CNOT1: variants seen among roughly 807,000 people sequenced by gnomAD.
CNOT1 encodes CCR4-NOT transcription complex subunit 1.
CNOT1 carries 15 observed loss-of-function variants against 273.8 expected under a neutral mutation model. That is an observed-to-expected ratio of 0.05 (90% CI 0.04 to 0.08). CNOT1 has a LOEUF of 0.08. CNOT1 is among the 10% of genes least tolerant of loss of function. The probability of loss-of-function intolerance (pLI) is 1.00; values close to 1 mark genes in which losing one functional copy is unlikely to be tolerated. For synonymous variants in CNOT1, 1,022 were observed against 1,005.5 expected, an observed-to-expected ratio of 1.02 and a Z score of -0.31; for missense variants, 1,644 against 2,912.2, an observed-to-expected ratio of 0.56 and a Z score of 10.02.
At chr16:58,549,953 C>T in intron 24 of CNOT1, 55 bp from the exon 25 acceptor site, 3 of 1,606,048 alleles carry the variant, frequency 1.9e-6, no homozygotes, top group Middle Eastern at 1.7e-4. Flanking sequence ...TAAAATAACA[C>T]TTGGTTTCTA....
chr16:58,613,431 C>G (rs1314824991), intron 1 of CNOT1, among the ~76,000 whole-genome samples: 1 of 124,718 alleles, frequency 8.0e-6, no homozygotes, highest in Non-Finnish European at 1.9e-5. Context: ...ATAAGCATCT[C>G]CACTCTCACA....
In CNOT1 at chr16:58,542,198, T is replaced by C. The variant is rs1332405218; in HGVS notation, c.4680+33A>G. On this transcript the variant is annotated intron_variant, in intron 33 of 48. Coordinates refer to ENST00000317147, the MANE Select transcript of CNOT1 (RefSeq NM_016284.5). ...AACAACATTAAAAATAAAACAAAGA[T>C]GGGACGGGGAAAGACAGAGCCCCAA... 1.9e-6 allele frequency: 3 copies of C among 1,605,234 alleles called. No homozygotes were observed. In the African/African-American group the frequency reaches 4.0e-5, roughly 22 times the overall value.
intron 1 of CNOT1, among the ~76,000 whole-genome samples, chr16:58,622,880 A>C (rs903686228): frequency 7.2e-5 from 11 of 151,896 alleles, no homozygotes; most frequent in African/African-American, 2.7e-4. Context: ...AGAAAAAGAA[A>C]AAAGAATGTT....
At chr16:58,529,542 G>C (rs2039704869) in intron 43 of CNOT1, among the ~76,000 whole-genome samples, 1 of 152,130 alleles carries the variant, frequency 6.6e-6, no homozygotes, top group African/African-American at 2.4e-5. Context: ...ACCTCATTAA[G>C]AAGTCATCAA....
At chr16:58,572,092 T>C (rs2041294013) in intron 16 of CNOT1, among the ~76,000 whole-genome samples, 1 of 152,062 alleles carries the variant, frequency 6.6e-6, no homozygotes, top group Admixed American at 6.6e-5. Context: ...GAGACCTGCC[T>C]GACCAACATG....
chr16:58,620,466 C>A (rs2043265500), intron 1 of CNOT1, among the ~76,000 whole-genome samples: 1 of 151,922 alleles, frequency 6.6e-6, no homozygotes, highest in South Asian at 2.1e-4. Context: ...CATGAGGAAA[C>A]CCCATCTCTA....
At chr16:58,529,404 A>G (rs2039700860) in intron 43 of CNOT1, among the ~76,000 whole-genome samples, 1 of 152,172 alleles carries the variant, frequency 6.6e-6, no homozygotes, top group Admixed American at 6.5e-5. Flanking sequence ...AATATATAGT[A>G]ACAACAAAGG....
At chr16:58,552,018 G>A (rs2040466389) in intron 22 of CNOT1, among the ~76,000 whole-genome samples, 199 bp from the exon 23 acceptor site, 1 of 152,068 alleles carries the variant, frequency 6.6e-6, no homozygotes, top group Non-Finnish European at 1.5e-5. Context: ...GTATTTATGA[G>A]AGAACTACAG....
intron 46 of CNOT1, among the ~76,000 whole-genome samples, chr16:58,524,905 T>G (rs1380168417): frequency 6.6e-6 from 1 of 152,222 alleles, no homozygotes; most frequent in Admixed American, 6.5e-5. Flanking sequence ...AAAGGGACTT[T>G]AAGTTTATTT....
intron 2 of CNOT1, 37 bp downstream of exon 2, chr16:58,599,199 C>T: frequency 6.2e-7 from 1 of 1,613,792 alleles, no homozygotes. Context: ...TCTACTCATT[C>T]CTTTAATGGC....
intron 12 of CNOT1, 48 bp from the exon 13 acceptor site, chr16:58,578,987 A>G: frequency 6.3e-7 from 1 of 1,591,228 alleles, no homozygotes; most frequent in South Asian, 1.1e-5. Context: ...ATCCAAGTAT[A>G]CAGATTAATT....
chr16:58,614,421 T>C (rs1344988305), intron 1 of CNOT1, among the ~76,000 whole-genome samples: 1 of 126,000 alleles, frequency 7.9e-6, no homozygotes, highest in East Asian at 1.9e-4. Flanking sequence ...ACCAGCTTTC[T>C]GTCTAGGAGC....
chr16:58,588,513 TCTC>T (rs2041949872), intron 3 of CNOT1, among the ~76,000 whole-genome samples: 1 of 152,090 alleles, frequency 6.6e-6, no homozygotes, highest in Admixed American at 6.6e-5. Context: ...GGACATGAGA[TCTC>T]CTCTGCCTTA....
intron 1 of CNOT1, among the ~76,000 whole-genome samples, chr16:58,618,691 T>C (rs1235116978): frequency 6.7e-6 from 1 of 150,270 alleles, no homozygotes. Context: ...CCGTAGTTCA[T>C]AAGCATGATG....
intron 47 of CNOT1, among the ~76,000 whole-genome samples, chr16:58,521,778 C>A (rs902147665): frequency 6.6e-6 from 1 of 151,852 alleles, no homozygotes; most frequent in African/African-American, 2.4e-5. Flanking sequence ...ATGGTGAAAC[C>A]CCATCTCTGC....
At chr16:58,626,696 G>C (rs570964302) in intron 1 of CNOT1, among the ~76,000 whole-genome samples, 1 of 151,526 alleles carries the variant, frequency 6.6e-6, no homozygotes, top group African/African-American at 2.4e-5. Flanking sequence ...GGAGGCGGAG[G>C]TTGTAGTGAG....
In CNOT1 at chr16:58,538,211, G is replaced by T; in HGVS notation, c.5191C>A (p.Leu1731Ile). Reference sequence around the variant, plus strand: ...ATATTAACCAAATGATTGCGAATTAGCAGCTCCACAGCCTCCACATTATAT... The same window carrying T: ...ATATTAACCAAATGATTGCGAATTATCAGCTCCACAGCCTCCACATTATAT... Reference protein sequence around the residue: ...YKYNVEAVELLIRNHLVNMQQ... With the variant: ...YKYNVEAVELIIRNHLVNMQQ... Residue 1731 changes from leucine (L) to isoleucine (I), a missense_variant, in exon 37 of 49, where the codon CTA becomes ATA. Transcript: ENST00000317147. 2.0e-6 allele frequency: 3 copies of T among 1,505,144 alleles called. No individual in the cohort carries two copies. Among genetic ancestry groups the T allele is most frequent in the Non-Finnish European group, 2.8e-6 (3 of 1,080,504 alleles). The allele number at this position is 1,505,144 out of a possible 1,614,324, so 93.2% of individuals were successfully genotyped here. A position where few individuals can be genotyped will look rare whatever the true frequency, so the allele number is the denominator to read the frequency against.
chr16:58,600,526 C>A (rs903375463), intron 1 of CNOT1, among the ~76,000 whole-genome samples: 2 of 152,092 alleles, frequency 1.3e-5, no homozygotes, highest in Non-Finnish European at 2.9e-5. Flanking sequence ...ATGGTATCTG[C>A]GACCTATTTA....
At chr16:58,605,603 AT>A (rs2042649144) in intron 1 of CNOT1, among the ~76,000 whole-genome samples, 1 of 152,190 alleles carries the variant, frequency 6.6e-6, no homozygotes. Context: ...GGAAACAACT[AT>A]AATTCTAAGG....
Sources: allele counts gnomAD v4.1 joint callset (sites outside exome capture counted in the v4.1 genomes callset), GRCh38; gene constraint gnomAD v4.1.1; transcripts MANE v1.5; gene names NCBI Gene and HGNC (gene_info 2026-07-23, HGNC 2026-07-21).